Variants in FGF12 observed in about 807,000 individuals in gnomAD.
FGF12 encodes fibroblast growth factor 12, also known as fibroblast growth factor 12B.
Under a neutral mutation model 23.6 loss-of-function variants are expected in FGF12, and 14 were observed. That is an observed-to-expected ratio of 0.59 (90% CI 0.39 to 0.93). The LOEUF (loss-of-function observed/expected upper bound fraction) is 0.93. FGF12 is among the 40% of genes least tolerant of loss of function. The pLI, the probability that FGF12 is intolerant of heterozygous loss-of-function variation, is 0.00. For missense variants in FGF12, 175 were observed against 217.8 expected, an observed-to-expected ratio of 0.80 and a Z score of 1.24; for synonymous variants, 62 against 77.3, an observed-to-expected ratio of 0.80 and a Z score of 1.04.
chr3:192,201,308 G>A (rs1159022887), intron 4 of FGF12, among the ~76,000 whole-genome samples: 1 of 152,160 alleles, frequency 6.6e-6, no homozygotes, highest in Non-Finnish European at 1.5e-5. Context: ...ATGTGTGGGG[G>A]AATGGAAATG....
intron 2 of FGF12, among the ~76,000 whole-genome samples, chr3:192,482,395 A>G (rs1459269888): frequency 6.6e-6 from 1 of 152,130 alleles, no homozygotes; most frequent in Non-Finnish European, 1.5e-5. Flanking sequence ...GCACTTTGGG[A>G]GGCCAAGGCA....
At chr3:192,411,426 A>G (rs1156757119) in intron 2 of FGF12, among the ~76,000 whole-genome samples, 1 of 152,226 alleles carries the variant, frequency 6.6e-6, no homozygotes, top group African/African-American at 2.4e-5. Flanking sequence ...GCAGCAGTTC[A>G]ATGTGGCTGA....
Position 192,143,012 on chromosome 3 carries a change from C to T in FGF12, c.*997G>A, listed in dbSNP as rs1046891452. On this transcript the variant is annotated 3_prime_UTR_variant, in exon 6 of 6. Transcript: ENST00000445105. ...TATGTAAAACCCCTGTTCTTTCTTTCCTGCCACAAGACAGGGTACAAAGCT... is the reference window on the plus strand; with the variant it reads ...TATGTAAAACCCCTGTTCTTTCTTTTCTGCCACAAGACAGGGTACAAAGCT... The T allele has an allele frequency of 6.6e-6, 1 of 151,884 alleles. No individual in the cohort carries two copies. The highest frequency in any genetic ancestry group is 1.5e-5 in the Non-Finnish European group (1 of 67,936). 9.4% of individuals were successfully genotyped at this position (151,884 alleles called of 1,614,324 possible). A position where few individuals can be genotyped will look rare whatever the true frequency, so the allele number is the denominator to read the frequency against.
chr3:192,206,109 G>C (rs1166874907), intron 4 of FGF12, among the ~76,000 whole-genome samples: 1 of 152,136 alleles, frequency 6.6e-6, no homozygotes, highest in Non-Finnish European at 1.5e-5. Context: ...GACAGAACCA[G>C]GCCAATCCAG....
In FGF12 at chr3:192,512,806, C is replaced by T. The variant is rs192435665; in HGVS notation, c.14-152268G>A. Among the ~76,000 whole-genome samples the T allele has an allele frequency of 4.6e-3, 408 of 88,640 alleles. 2 individuals are homozygous for T. The highest frequency in any genetic ancestry group is 0.018 in the African/African-American group (394 of 21,860). 58.2% of individuals were successfully genotyped at this position (88,640 alleles called of 152,430 possible). On this transcript the variant is annotated intron_variant, in intron 2 of 5. Transcript: ENST00000445105. ...AATAAAACACAAGTTTTCACAGACT[C>T]ACTGTTAAACCTAGAGTATACTCAA...
intron 2 of FGF12, among the ~76,000 whole-genome samples, chr3:192,599,963 G>A (rs1921027): frequency 0.8 from 120,977 of 151,994 alleles, 48,917 homozygotes; most frequent in East Asian, 0.97. Context: ...ATCCTTTCCT[G>A]TGCCAGTGTC....
chr3:192,507,334 TACACACACACACACACACACACAC>T (rs35433581), intron 2 of FGF12, among the ~76,000 whole-genome samples: 5 of 144,726 alleles, frequency 3.5e-5, no homozygotes, highest in African/African-American at 1.0e-4. Flanking sequence ...TTTGACCAAA[TACACACACACACACACACACACAC>T]ACACACACAC....
Position 192,263,536 on chromosome 3 carries a change from A to T in FGF12, c.228+71825T>A, listed in dbSNP as rs78098476. ...TCATCTGGTGTTGTTTTAAAAAAAT[A>T]AAAAAAAAGAGGGAAAAAAAAAAAA... On this transcript the variant is annotated intron_variant, in intron 4 of 5. Transcript: ENST00000445105. 8.5e-3 allele frequency among the ~76,000 whole-genome samples: 1,277 copies of T among 150,746 alleles called. 20 individuals are homozygous for T. Among genetic ancestry groups the T allele is most frequent in the African/African-American group, 0.029 (1,187 of 40,824 alleles).
intron 2 of FGF12, among the ~76,000 whole-genome samples, chr3:192,541,932 C>T (rs1215808272): frequency 6.6e-6 from 1 of 151,770 alleles, no homozygotes; most frequent in African/African-American, 2.4e-5. Flanking sequence ...CATTTCTTTT[C>T]TCTTGCCACT....
chr3:192,301,026 T>C (rs905015389), intron 4 of FGF12, among the ~76,000 whole-genome samples: 9 of 152,094 alleles, frequency 5.9e-5, no homozygotes, highest in Middle Eastern at 3.4e-3. Flanking sequence ...TCCCGAAAGA[T>C]TGTCCAGAAA....
intron 4 of FGF12, among the ~76,000 whole-genome samples, chr3:192,201,993 A>G (rs1338028198): frequency 6.6e-6 from 1 of 152,224 alleles, no homozygotes; most frequent in Non-Finnish European, 1.5e-5. Context: ...AATCTCTTAC[A>G]TATGGATGTT....
intron 4 of FGF12, among the ~76,000 whole-genome samples, chr3:192,330,554 A>G (rs886479527): frequency 5.9e-5 from 9 of 152,158 alleles, no homozygotes; most frequent in African/African-American, 2.2e-4. Context: ...CTTACACCAC[A>G]TGTAACATTA....
At chr3:192,195,535 C>T (rs768410216) in intron 4 of FGF12, among the ~76,000 whole-genome samples, 8 of 152,144 alleles carry the variant, frequency 5.3e-5, no homozygotes, top group African/African-American at 7.2e-5. Context: ...TGTAGCCTAG[C>T]GGCAATAGGC....
chr3:192,533,027 T>A (rs1306525283), intron 2 of FGF12, among the ~76,000 whole-genome samples: 1 of 152,216 alleles, frequency 6.6e-6, no homozygotes, highest in Admixed American at 6.5e-5. Flanking sequence ...GCATTTCATC[T>A]GACACCATCT....
At chr3:192,313,384 T>C (rs892622584) in intron 4 of FGF12, among the ~76,000 whole-genome samples, 2 of 152,222 alleles carry the variant, frequency 1.3e-5, no homozygotes, top group Admixed American at 6.5e-5. Flanking sequence ...TATGTCCTTT[T>C]TCATGGTAGA....
chr3:192,579,019 C>T (rs1453241098), intron 2 of FGF12, among the ~76,000 whole-genome samples: 1 of 152,214 alleles, frequency 6.6e-6, no homozygotes, highest in Non-Finnish European at 1.5e-5. Context: ...CATTCCAACA[C>T]TCCTTTAAGT....
intron 2 of FGF12, among the ~76,000 whole-genome samples, chr3:192,563,172 G>A (rs1712124708): frequency 6.6e-6 from 1 of 152,116 alleles, no homozygotes; most frequent in African/African-American, 2.4e-5. Context: ...AGCAATTTCA[G>A]TTCAAAATAA....
intron 2 of FGF12, among the ~76,000 whole-genome samples, chr3:192,505,507 A>G (rs1380276000): frequency 6.6e-6 from 1 of 152,242 alleles, no homozygotes; most frequent in Non-Finnish European, 1.5e-5. Context: ...ATTCACACGC[A>G]TAGAATAGAA....
intron 2 of FGF12, among the ~76,000 whole-genome samples, chr3:192,601,850 C>T (rs993136327): frequency 1.3e-5 from 2 of 152,026 alleles, no homozygotes; most frequent in African/African-American, 4.8e-5. Context: ...AGTTGTTATA[C>T]AATATTTTTC....
Sources: allele counts gnomAD v4.1 joint callset (sites outside exome capture counted in the v4.1 genomes callset), GRCh38; gene constraint gnomAD v4.1.1; transcripts MANE v1.5; gene names NCBI Gene and HGNC (gene_info 2026-07-23, HGNC 2026-07-21).